Variants in AATF observed in about 807,000 individuals in gnomAD.
AATF encodes the protein apoptosis antagonizing transcription factor, also known as protein AATF.
AATF carries 48 observed loss-of-function variants against 63.7 expected under a neutral mutation model. That is an observed-to-expected ratio of 0.75 (90% confidence interval 0.60 to 0.96). The LOEUF is 0.96. AATF is among the 40% of genes least tolerant of loss of function. The pLI is 0.00. For missense variants in AATF, 639 were observed against 685.7 expected (o/e 0.93, Z 0.76); for synonymous variants, 258 against 247.7 (o/e 1.04, Z -0.39).
At chr17:36,988,458 G>C (rs1597714523) in intron 5 of AATF, 61 bp from the exon 6 acceptor site, 5 of 1,539,182 alleles carry the variant, frequency 3.2e-6, no homozygotes, top group East Asian at 2.3e-5. Flanking sequence ...TGTGAGCCTA[G>C]TTTTTAAAAT....
At chr17:36,979,385 C>A (rs776888137) in intron 4 of AATF, among the ~76,000 whole-genome samples, 1 of 152,058 alleles carries the variant, frequency 6.6e-6, no homozygotes, top group African/African-American at 2.4e-5. Context: ...TTTAATCAAA[C>A]GTCTTTCTTG....
intron 11 of AATF, among the ~76,000 whole-genome samples, chr17:37,050,811 TAGAA>T (rs1332429622): frequency 6.6e-6 from 1 of 152,170 alleles, no homozygotes; most frequent in Non-Finnish European, 1.5e-5. Flanking sequence ...GGTAGAGGAT[TAGAA>T]AGGAAGGAAG....
intron 4 of AATF, among the ~76,000 whole-genome samples, chr17:36,972,579 TTTTGTTA>T (rs1176403378): frequency 1.4e-4 from 22 of 152,164 alleles, no homozygotes; most frequent in Admixed American, 5.2e-4. Flanking sequence ...GACAGCATTG[TTTTGTTA>T]CACCTATATA....
intron 8 of AATF, among the ~76,000 whole-genome samples, chr17:36,991,135 A>G (rs943101886): frequency 2.0e-5 from 3 of 152,140 alleles, no homozygotes; most frequent in African/African-American, 7.2e-5. Flanking sequence ...CTCTGAGTCA[A>G]GTGGGTTCTT....
intron 8 of AATF, among the ~76,000 whole-genome samples, chr17:36,994,779 T>A (rs1422846500): frequency 6.6e-6 from 1 of 152,242 alleles, no homozygotes; most frequent in African/African-American, 2.4e-5. Context: ...TTTATTTTTT[T>A]AAACCATCAG....
intron 4 of AATF, among the ~76,000 whole-genome samples, chr17:36,976,971 C>G (rs984721811): frequency 6.6e-6 from 1 of 152,070 alleles, no homozygotes; most frequent in South Asian, 2.1e-4. Flanking sequence ...CTAAGATAAT[C>G]GGGAGTAGCC....
At chr17:36,981,449 C>CTT (rs753771082) in intron 4 of AATF, among the ~76,000 whole-genome samples, 18 of 143,662 alleles carry the variant, frequency 1.3e-4, no homozygotes, top group African/African-American at 3.8e-4. Context: ...ACTTTTCTTT[C>CTT]TTTTTTTTTT....
In AATF at chr17:36,953,122, G is replaced by A. The variant is rs28656116; in HGVS notation, c.520G>A (p.Glu174Lys). 7,734 of 1,614,108 alleles carry A rather than the reference G, an allele frequency of 4.8e-3. 168 individuals are homozygous for A. The Admixed American group carries it at 0.056, about 12-fold the overall frequency. ...TGACCTTGGGAGCAGTGAGGAGGAG[G>A]AAGACGAAGAGAGTGGCATGGAAGA... Reference protein sequence around the residue: ...MDDLGSSEEEEDEESGMEEGD... With the variant: ...MDDLGSSEEEKDEESGMEEGD... Residue 174 changes from glutamate to lysine, a missense_variant, in exon 3 of 12, where the codon GAA becomes AAA. By Grantham distance (56) the Glu-to-Lys change is moderately conservative. Transcript: ENST00000619387.
At chr17:37,036,345 A>G (rs2071592132) in intron 11 of AATF, among the ~76,000 whole-genome samples, 1 of 152,110 alleles carries the variant, frequency 6.6e-6, no homozygotes, top group South Asian at 2.1e-4. Flanking sequence ...GTTTGAACTC[A>G]GTAAATTTGC....
chr17:37,018,362 G>A (rs1346164639), intron 8 of AATF, among the ~76,000 whole-genome samples: 2 of 152,216 alleles, frequency 1.3e-5, no homozygotes, highest in African/African-American at 4.8e-5. Flanking sequence ...CTAATCCTCT[G>A]TGGTATATTT....
At position 36,972,372 on chromosome 17, in the gene AATF, A is replaced by G. The variant is rs150444413; in HGVS notation, c.833-14245A>G. On this transcript the variant is annotated intron_variant, in intron 4 of 11. Coordinates refer to ENST00000619387, the MANE Select transcript of AATF (RefSeq NM_012138.4). ...GACACTCAGAGATTCCTGAGATTCC[A>G]GGTTCTGGTTGATGATTTACTGCAA... 4.7e-3 allele frequency among the ~76,000 whole-genome samples: 723 copies of G among 152,326 alleles called. 4 individuals carry two copies. Among genetic ancestry groups the G allele is most frequent in the African/African-American group, 0.015 (604 of 41,574 alleles).
At chr17:36,954,002 A>G (rs1163957962) in intron 4 of AATF, 95 bp downstream of exon 4, 3 of 1,226,426 alleles carry the variant, frequency 2.4e-6, no homozygotes, top group Non-Finnish European at 3.3e-6. Context: ...AGCCATGTTT[A>G]TTGTGCTTTC....
intron 11 of AATF, 22 bp downstream of exon 11, chr17:37,031,707 T>C (rs779508326): frequency 1.0e-5 from 16 of 1,591,744 alleles, no homozygotes; most frequent in Non-Finnish European, 1.2e-5. Flanking sequence ...ATTAATTATG[T>C]GTCTCAAATG....
intron 10 of AATF, among the ~76,000 whole-genome samples, chr17:37,030,467 G>A (rs889016510): frequency 4.6e-5 from 7 of 152,232 alleles, no homozygotes; most frequent in Non-Finnish European, 8.8e-5. Context: ...TATGTATATA[G>A]AGAGGGCACA....
intron 8 of AATF, chr17:36,998,658 C>T (rs2071272364): frequency 1.3e-5 from 2 of 152,162 alleles, no homozygotes; most frequent in Non-Finnish European, 2.9e-5. Context: ...GAGGCCAAGG[C>T]AGGAGGATTG....
Position 37,036,285 on chromosome 17 carries a change from G to A in AATF, c.1619+4600G>A, listed in dbSNP as rs377614352. 1.2e-4 allele frequency among the ~76,000 whole-genome samples: 18 copies of A among 152,174 alleles called. 1 individual carries two copies. The East Asian group carries it at 1.4e-3, about 11-fold the overall frequency. ...ATTGGATTAATCCTCAGTGGTTTTG[G>A]TGGGGTGTCCAGTTGCGTATCCTTG... On this transcript the variant is annotated intron_variant, in intron 11 of 11. Transcript: ENST00000619387.
chr17:36,980,742 A>G (rs1203908586), intron 4 of AATF, among the ~76,000 whole-genome samples: 2 of 152,104 alleles, frequency 1.3e-5, no homozygotes, highest in Non-Finnish European at 2.9e-5. Flanking sequence ...GAGGCTTACC[A>G]TTTGCAGCAA....
Position 37,056,752 on chromosome 17 carries a change from G to A in AATF, c.*88G>A. The A allele has an allele frequency of 1.4e-6, 2 of 1,396,436 alleles. No homozygotes were observed. Among genetic ancestry groups the A allele is most frequent in the Non-Finnish European group, 1.0e-6 (1 of 992,640 alleles). The allele number at this position is 1,396,436 out of a possible 1,614,324, so 86.5% of individuals were successfully genotyped here. A position where few individuals can be genotyped will look rare whatever the true frequency, so the allele number is the denominator to read the frequency against. Reference sequence around the variant, plus strand: ...GAAACCAGTGACTTTATGGGGCTGAGCTAGTAGGGAAGCCCCTGGAAAGAT... The same window carrying A: ...GAAACCAGTGACTTTATGGGGCTGAACTAGTAGGGAAGCCCCTGGAAAGAT... On this transcript the variant is annotated 3_prime_UTR_variant, in exon 12 of 12. Transcript: ENST00000619387.
At chr17:36,986,593 C>T (rs749440406) in intron 4 of AATF, 24 bp from the exon 5 acceptor site, 4 of 1,582,674 alleles carry the variant, frequency 2.5e-6, no homozygotes, top group African/African-American at 2.7e-5. Flanking sequence ...ATTAATTGTC[C>T]TTTCTCTGTC....
Sources: allele counts gnomAD v4.1 joint callset (sites outside exome capture counted in the v4.1 genomes callset), GRCh38; gene constraint gnomAD v4.1.1; transcripts MANE v1.5; gene names NCBI Gene and HGNC (gene_info 2026-07-23, HGNC 2026-07-21).